The following ITPR1 variants were observed in gnomAD, a reference collection of about 807,000 sequenced individuals.
The protein encoded by ITPR1 is inositol 1,4,5-trisphosphate-gated calcium channel ITPR1.
In ITPR1, 96 loss-of-function variants were observed where a neutral mutation model predicts 318.4. That is an observed-to-expected ratio of 0.30 (90% CI 0.26 to 0.36). The LOEUF (loss-of-function observed/expected upper bound fraction) is 0.36. Among genes scored for constraint, ITPR1 ranks in the 10% least tolerant of loss-of-function variants. The pLI, the probability that ITPR1 is intolerant of heterozygous loss-of-function variation, is 1.00. For missense variants in ITPR1, 2,440 were observed against 3,460.2 expected (o/e 0.71, Z 7.40); for synonymous variants, 1,312 against 1,289.9 (o/e 1.02, Z -0.37).
At chr3:4,509,640 GA>G (rs1400156248) in intron 2 of ITPR1, among the ~76,000 whole-genome samples, 1 of 152,038 alleles carries the variant, frequency 6.6e-6, no homozygotes, top group African/African-American at 2.4e-5. Context: ...AAATAAGAAT[GA>G]AAAAACTTAG....
chr3:4,708,224 C>G (rs969162817), intron 37 of ITPR1, among the ~76,000 whole-genome samples: 10 of 152,152 alleles, frequency 6.6e-5, no homozygotes, highest in African/African-American at 2.2e-4. Context: ...AAAAGTATTA[C>G]TCAATTCCAG....
chr3:4,771,702 G>A (rs1239761366), intron 46 of ITPR1, among the ~76,000 whole-genome samples: 1 of 152,052 alleles, frequency 6.6e-6, no homozygotes, highest in East Asian at 1.9e-4. Context: ...AAACAGTGCT[G>A]TGGGGTGTTG....
At chr3:4,740,959 G>C (rs1410201175) in intron 44 of ITPR1, among the ~76,000 whole-genome samples, 1 of 152,226 alleles carries the variant, frequency 6.6e-6, no homozygotes, top group African/African-American at 2.4e-5. Context: ...TTTGTAGCAA[G>C]TGGGAAACTA....
intron 6 of ITPR1, among the ~76,000 whole-genome samples, chr3:4,641,753 C>T (rs561971078): frequency 2.0e-5 from 3 of 152,372 alleles, no homozygotes; most frequent in East Asian, 3.9e-4. Flanking sequence ...GCATGCCACA[C>T]TGCAGTTCCT....
chr3:4,600,089 G>A (rs2091154406), intron 4 of ITPR1, among the ~76,000 whole-genome samples: 1 of 152,168 alleles, frequency 6.6e-6, no homozygotes, highest in Admixed American at 6.5e-5. Context: ...CTTCTCTTTT[G>A]CCCGAGCTCT....
Position 4,826,929 on chromosome 3 carries a change from G to A in ITPR1, c.8028+8687G>A, listed in dbSNP as rs147026425. Among the ~76,000 whole-genome samples, 72 of 152,274 alleles carry A rather than the reference G, an allele frequency of 4.7e-4. No individual in the cohort carries two copies. The highest frequency in any genetic ancestry group is 1.7e-3 in the African/African-American group (70 of 41,532). ...ATGGGGCGTGAGTCAGGTATACCCAGGAGTCTAGTCTGTGAGACTGTGCAG... is the reference window on the plus strand; with the variant it reads ...ATGGGGCGTGAGTCAGGTATACCCAAGAGTCTAGTCTGTGAGACTGTGCAG... On this transcript the variant is annotated intron_variant, in intron 60 of 61. Transcript: ENST00000649015. The surrounding 1 kb of genome is among the most constrained non-coding windows in gnomAD (Gnocchi z 4.2).
intron 55 of ITPR1, among the ~76,000 whole-genome samples, chr3:4,808,692 T>C (rs1393035047): frequency 6.6e-6 from 1 of 152,222 alleles, no homozygotes; most frequent in East Asian, 1.9e-4. Context: ...CACTTCAAAT[T>C]ATTCTACTAA....
In ITPR1 at chr3:4,768,876, T is replaced by A. The variant is rs1215461070; in HGVS notation, c.5979+112T>A. 3.9e-6 allele frequency: 4 copies of A among 1,033,230 alleles called. No individual in the cohort carries two copies. In the East Asian group the frequency reaches 1.0e-4, roughly 26 times the overall value. 64.0% of individuals were successfully genotyped at this position (1,033,230 alleles called of 1,614,324 possible). On this transcript the variant is annotated intron_variant, in intron 46 of 61. Coordinates refer to ENST00000649015, the MANE Select transcript of ITPR1 (RefSeq NM_001378452.1). ...TGGGCCAGATTGCTTGAGCCAAGGA[T>A]CCAGCAAGGTTCTTTTTTTTCCTTT...
intron 4 of ITPR1, among the ~76,000 whole-genome samples, chr3:4,525,301 T>C (rs190845060): frequency 6.6e-5 from 10 of 152,294 alleles, no homozygotes; most frequent in African/African-American, 9.6e-5. Flanking sequence ...TAGTACACAG[T>C]AGTTGTTCAG....
At chr3:4,743,332 G>A (rs764395771) in intron 44 of ITPR1, among the ~76,000 whole-genome samples, 18 of 152,198 alleles carry the variant, frequency 1.2e-4, no homozygotes, top group African/African-American at 2.2e-4. Context: ...TTCAAAAGTC[G>A]TTACATTCTT....
chr3:4,689,745 T>A (rs1436682958), intron 31 of ITPR1, among the ~76,000 whole-genome samples: 1 of 152,186 alleles, frequency 6.6e-6, no homozygotes, highest in Non-Finnish European at 1.5e-5. Context: ...AACATGAGAA[T>A]CTTCATGGCT....
At chr3:4,685,517 T>A (rs1185462784) in intron 30 of ITPR1, among the ~76,000 whole-genome samples, 1 of 152,236 alleles carries the variant, frequency 6.6e-6, no homozygotes, top group Non-Finnish European at 1.5e-5. Flanking sequence ...TATCTACCCA[T>A]GAGTTGGTGT....
chr3:4,726,738 T>A (rs111396677), intron 41 of ITPR1, among the ~76,000 whole-genome samples: 13 of 152,230 alleles, frequency 8.5e-5, no homozygotes, highest in Non-Finnish European at 1.3e-4. Flanking sequence ...GATGTCCTTA[T>A]GCATGTGCTG....
chr3:4,660,175 T>C (rs761929723), intron 13 of ITPR1, among the ~76,000 whole-genome samples: 21 of 152,222 alleles, frequency 1.4e-4, no homozygotes, highest in Non-Finnish European at 2.1e-4. Context: ...TGGAATATGA[T>C]ACAATAAAAT....
chr3:4,648,457 T>A (rs1198909062), intron 10 of ITPR1, among the ~76,000 whole-genome samples: 2 of 152,310 alleles, frequency 1.3e-5, no homozygotes, highest in African/African-American at 2.4e-5. Context: ...ATTTTCTCAT[T>A]TTAAGCTAAT....
At chr3:4,680,183 A>G (rs1478696074) in intron 24 of ITPR1, among the ~76,000 whole-genome samples, 1 of 152,216 alleles carries the variant, frequency 6.6e-6, no homozygotes, top group African/African-American at 2.4e-5. Context: ...AATCCAAAGC[A>G]GGCAACTTCA....
chr3:4,777,414 C>A, intron 48 of ITPR1, 40 bp downstream of exon 48: 1 of 1,302,834 alleles, frequency 7.7e-7, no homozygotes, highest in Non-Finnish European at 1.1e-6. Flanking sequence ...CATTTGGAAA[C>A]AGTCACTTTT....
rs372666942 is a variant in ITPR1 at position 4,532,009 on chromosome 3, T to C, written c.163+10915T>C. Among the ~76,000 whole-genome samples, 34 of 152,372 alleles carry C rather than the reference T, an allele frequency of 2.2e-4. No homozygotes were observed. In the South Asian group the frequency reaches 6.4e-3, roughly 29 times the overall value. ...TTATGTATACCTCACAGGGTTTTCA[T>C]GAGGATTAAATGAGTTAATCTGTGT... is the stretch of plus-strand genomic sequence containing the variant. On this transcript the variant is annotated intron_variant, in intron 4 of 61. Transcript: ENST00000649015.
In ITPR1 at chr3:4,670,791, C is replaced by G. The variant is rs1339531182; in HGVS notation, c.2069C>G (p.Ala690Gly). The change falls in exon 20 of 62, where the codon GCA (alanine) becomes GGA (glycine). Residue 690 changes from alanine to glycine, a missense_variant. Coordinates refer to ENST00000649015, the MANE Select transcript of ITPR1 (RefSeq NM_001378452.1). ...TCCACTGGAGAGAATGCTCTGGAGG[C>G]AGGAGAAGACGAGGAAGAGGTGTGG... ...VSSTGENALE[A>G]GEDEEEVWLF... is the part of the protein sequence containing the mutation. 6.2e-7 allele frequency: 1 copy of G among 1,608,042 alleles called. No homozygotes were observed.
Sources: gnomAD v4.1 joint callset for allele counts (sites outside exome capture counted in the v4.1 genomes callset) on GRCh38, gnomAD v4.1.1 for gene constraint, Gnocchi (gnomAD v3.1) non-coding constraint, MANE v1.5 for transcripts, NCBI Gene and HGNC (gene_info 2026-07-23, HGNC 2026-07-21) for gene names.